Variants in KCNN1 observed in about 807,000 individuals in gnomAD.
KCNN1 encodes the protein potassium calcium-activated channel subfamily N member 1, also known as small conductance calcium-activated potassium channel protein 1.
Under a neutral mutation model 44.7 loss-of-function variants are expected in KCNN1, and 20 were observed. That is an observed-to-expected ratio of 0.45 (90% CI 0.32 to 0.65). The LOEUF (loss-of-function observed/expected upper bound fraction) is 0.65. KCNN1 is among the 30% of genes least tolerant of loss of function. The pLI is 0.05. For synonymous variants in KCNN1, 324 were observed against 341.7 expected (o/e 0.95, Z 0.57); for missense variants, 632 against 785.3 (o/e 0.80, Z 2.33).
Position 17,974,150 on chromosome 19 carries a change from A to C in KCNN1, c.262A>C (p.Asn88His), listed in dbSNP as rs779247222. ...GRQRASGKPS[N>H]VGHRLGHRRA... ...GCAGAGAGCCTCGGGGAAACCCTCA[A>C]ATGTGGGCCACCGCCTGGGCCACCG... is the stretch of plus-strand genomic sequence containing the variant. The change falls in exon 2 of 10, where the codon AAT (asparagine) becomes CAT (histidine). Residue 88 changes from asparagine to histidine, a missense_variant. This residue lies in a region of KCNN1 where 235 missense variants were observed against 224.0 expected (regional missense o/e 1.05). Transcript: ENST00000684775. The surrounding 1 kb of genome is among the most constrained non-coding windows in gnomAD (Gnocchi z 7.3). The C allele has an allele frequency of 6.2e-7, 1 of 1,613,528 alleles. No individual in the cohort carries two copies. The highest frequency in any genetic ancestry group is 8.5e-7 in the Non-Finnish European group (1 of 1,179,852).
At chr19:17,989,400 G>A (rs1204317747) in intron 6 of KCNN1, among the ~76,000 whole-genome samples, 2 of 152,208 alleles carry the variant, frequency 1.3e-5, no homozygotes, top group African/African-American at 4.8e-5. Flanking sequence ...GGAGGTCGCA[G>A]TGAGGCAAGA....
rs1298141614 is a variant in KCNN1 at position 17,988,454 on chromosome 19, C to T, written c.1099C>T (p.Arg367Trp). 7 of 1,613,242 alleles carry T rather than the reference C, an allele frequency of 4.3e-6. No individual in the cohort carries two copies. The highest frequency in any genetic ancestry group is 1.3e-5 in the African/African-American group (1 of 74,908). Reference protein sequence around the residue: ...CTALVVAVVARKLELTKAEKH... With the variant: ...CTALVVAVVAWKLELTKAEKH... ...CGCGCTCGTGGTGGCTGTGGTGGCTCGGAAGCTGGAGCTCACCAAGGCTGA... is the reference window on the plus strand; with the variant it reads ...CGCGCTCGTGGTGGCTGTGGTGGCTTGGAAGCTGGAGCTCACCAAGGCTGA... Residue 367 changes from arginine (R) to tryptophan (W), a missense_variant, in exon 6 of 10, where the codon CGG becomes TGG. This residue lies in a region of KCNN1 where 237 missense variants were observed against 253.0 expected (regional missense o/e 0.94). Coordinates refer to ENST00000684775, the MANE Select transcript of KCNN1 (RefSeq NM_001386974.1).
At position 17,973,192 on chromosome 19, in the gene KCNN1, C is replaced by A. The variant is rs192391588; in HGVS notation, c.-81-616C>A. On this transcript the variant is annotated intron_variant, in intron 1 of 9. Coordinates refer to ENST00000684775, the MANE Select transcript of KCNN1 (RefSeq NM_001386974.1). ...TTATGTTGTCCAGGCTGGATTTAAA[C>A]CCCCAGACTCAAGTGATCCTCCAGT... 3.0e-3 allele frequency among the ~76,000 whole-genome samples: 456 copies of A among 152,250 alleles called. 2 individuals carry two copies. Among genetic ancestry groups the A allele is most frequent in the South Asian group, 9.5e-3 (46 of 4,826 alleles).
intron 3 of KCNN1, among the ~76,000 whole-genome samples, chr19:17,978,056 T>G (rs1276073545): frequency 6.6e-6 from 1 of 151,848 alleles, no homozygotes; most frequent in African/African-American, 2.4e-5. Context: ...AGAGGTGTAC[T>G]AAATCCCACT....
intron 6 of KCNN1, 62 bp from the exon 7 acceptor site, chr19:17,989,654 A>G (rs1031130537): frequency 6.2e-7 from 1 of 1,608,896 alleles, no homozygotes; most frequent in Admixed American, 1.7e-5. Context: ...GATTCTAGAC[A>G]TTTCTGGAGC....
intron 1 of KCNN1, among the ~76,000 whole-genome samples, chr19:17,967,764 C>T (rs1437477378): frequency 6.6e-6 from 1 of 152,060 alleles, no homozygotes. Flanking sequence ...AAGTCCCGGA[C>T]CCAGCTCGGG....
In KCNN1 at chr19:17,974,237, G is replaced by C; in HGVS notation, c.349G>C (p.Gly117Arg). Residue 117 changes from glycine to arginine, a missense_variant, in exon 2 of 10, where the codon GGC (glycine) becomes CGC (arginine). Physicochemically the swap from Gly to Arg is moderately radical, Grantham distance 125. Coordinates refer to ENST00000684775, the MANE Select transcript of KCNN1 (RefSeq NM_001386974.1). This position sits in a 1 kb window ranked among gnomAD's most constrained non-coding sequence, Gnocchi z 7.3. ...CTATGCCCTCATTTTCGGCATGTTTGGCATCGTCGTCATGGTGACGGAGAC... is the reference window on the plus strand; with the variant it reads ...CTATGCCCTCATTTTCGGCATGTTTCGCATCGTCGTCATGGTGACGGAGAC... Reference protein sequence around the residue: ...SDYALIFGMFGIVVMVTETEL... With the variant: ...SDYALIFGMFRIVVMVTETEL... 6.2e-7 allele frequency: 1 copy of C among 1,609,294 alleles called. No individual in the cohort carries two copies. The highest frequency in any genetic ancestry group is 8.5e-7 in the Non-Finnish European group (1 of 1,176,912).
At chr19:17,980,083 G>A (rs2032348918) in intron 3 of KCNN1, among the ~76,000 whole-genome samples, 1 of 147,058 alleles carries the variant, frequency 6.8e-6, no homozygotes, top group African/African-American at 2.5e-5. Flanking sequence ...TTTTTATCGA[G>A]ACAAGAGTCT....
rs571080384 is a variant in KCNN1, at chr19:17,974,089, C to T, written c.201C>T (p.Asp67=). The T allele has an allele frequency of 9.9e-6, 16 of 1,611,842 alleles. No individual in the cohort carries two copies. Among genetic ancestry groups the T allele is most frequent in the Admixed American group, 3.3e-5 (2 of 60,022 alleles). ...GSPRGQPQDQ[D]DDEDDEEDEA... ...CCCGGGGGCAGCCCCAGGACCAGGA[C>T]GATGACGAGGATGATGAGGAAGATG... Residue 67 remains aspartate (D), a synonymous_variant, in exon 2 of 10, where the codon GAC becomes GAT. Transcript: ENST00000684775. This position sits in a 1 kb window ranked among gnomAD's most constrained non-coding sequence, Gnocchi z 7.3.
Position 17,967,298 on chromosome 19 carries a change from G to A in KCNN1, c.-101G>A. ...CTCTCCCCTCCAGCCTTGTCCGCCC[G>A]CTCGGGCCGAGCCCCGCAGGTACAG... On this transcript the variant is annotated 5_prime_UTR_variant, in exon 1 of 10. Coordinates refer to ENST00000684775, the MANE Select transcript of KCNN1 (RefSeq NM_001386974.1). The A allele has an allele frequency of 1.0e-6, 1 of 985,292 alleles. No individual in the cohort carries two copies. Among genetic ancestry groups the A allele is most frequent in the Non-Finnish European group, 1.2e-6 (1 of 829,834 alleles). 61.0% of individuals were successfully genotyped at this position (985,292 alleles called of 1,614,324 possible).
intron 9 of KCNN1, among the ~76,000 whole-genome samples, chr19:17,996,112 T>C (rs1443877414): frequency 6.7e-6 from 1 of 149,448 alleles, no homozygotes; most frequent in Non-Finnish European, 1.5e-5. Context: ...GGGGGATCAC[T>C]TGAGCTCAGG....
chr19:17,954,565 C>T (rs2031495334), exon 2 of KCNN1: 1 of 153,054 alleles, frequency 6.5e-6, no homozygotes, highest in Non-Finnish European at 1.5e-5. Context: ...TTACAGATCT[C>T]AAAGGGACAG....
At chr19:17,958,480 C>CTT (rs71164331) in intron 2 of KCNN1, among the ~76,000 whole-genome samples, 18,293 of 99,470 alleles carry the variant, frequency 0.18, 2,234 homozygotes, top group Non-Finnish European at 0.24. Flanking sequence ...GACCCTGTCT[C>CTT]TTTTTTTTTT....
intron 1 of KCNN1, among the ~76,000 whole-genome samples, chr19:17,954,070 A>G (rs1014300857): frequency 2.6e-5 from 4 of 152,146 alleles, no homozygotes; most frequent in Non-Finnish European, 4.4e-5. Context: ...GGCCTTAGGG[A>G]GGGGACATGG....
chr19:17,978,424 GTT>G (rs936725904), intron 3 of KCNN1, among the ~76,000 whole-genome samples: 43 of 117,024 alleles, frequency 3.7e-4, no homozygotes, highest in Middle Eastern at 5.4e-3. Flanking sequence ...TGCCCAGCCT[GTT>G]TTTTTTTTTT....
intron 5 of KCNN1, among the ~76,000 whole-genome samples, chr19:17,986,287 C>T (rs2032592172): frequency 6.6e-6 from 1 of 151,884 alleles, no homozygotes; most frequent in African/African-American, 2.4e-5. Context: ...TGCTTGAACC[C>T]AGGAGGCAGA....
chr19:17,985,365 T>G lies in KCNN1; in HGVS notation c.971T>G (p.Ile324Ser). The change falls in exon 5 of 10, where the codon ATT (isoleucine) becomes AGT (serine). Residue 324 changes from isoleucine (I) to serine (S), a missense_variant. Ile to Ser is a moderately radical substitution (Grantham distance 142). Coordinates refer to ENST00000684775, the MANE Select transcript of KCNN1 (RefSeq NM_001386974.1). Reference sequence around the variant, plus strand: ...AACTTCCTGGGGGCCATGTGGCTGATTTCCATCACCTTCCTCTCCATTGGC... The same window carrying G: ...AACTTCCTGGGGGCCATGTGGCTGAGTTCCATCACCTTCCTCTCCATTGGC... ...TSNFLGAMWL[I>S]SITFLSIGYG... 6.2e-7 allele frequency: 1 copy of G among 1,611,516 alleles called. No individual in the cohort carries two copies. Among genetic ancestry groups the G allele is most frequent in the Non-Finnish European group, 8.5e-7 (1 of 1,178,356 alleles).
At chr19:17,982,459 G>T (rs1025490368) in intron 4 of KCNN1, 3 of 738,862 alleles carry the variant, frequency 4.1e-6, no homozygotes, top group African/African-American at 3.8e-5. Context: ...CTCTGGCCCC[G>T]GGGGGCGCAG....
chr19:17,999,178 C>G lies in KCNN1; in HGVS notation c.*772C>G, dbSNP rs1240334307. 6.6e-6 allele frequency: 1 copy of G among 152,358 alleles called. No individual in the cohort carries two copies. Among genetic ancestry groups the G allele is most frequent in the South Asian group, 2.1e-4 (1 of 4,838 alleles). 9.4% of individuals were successfully genotyped at this position (152,358 alleles called of 1,614,324 possible). ...GGTGGGATGGGGGGGAAACTGAGGC[C>G]CAGAGAGGTGAATCTACCTACCTGG... is the stretch of plus-strand genomic sequence containing the variant. On this transcript the variant is annotated 3_prime_UTR_variant, in exon 10 of 10. Transcript: ENST00000684775.
Sources: allele counts gnomAD v4.1 joint callset (sites outside exome capture counted in the v4.1 genomes callset), GRCh38; gene constraint gnomAD v4.1.1; regional missense constraint gnomAD v4.1.1; non-coding constraint Gnocchi (gnomAD v3.1); transcripts MANE v1.5; gene names NCBI Gene and HGNC (gene_info 2026-07-23, HGNC 2026-07-21).